The following DGAT1 variants were observed in gnomAD, a reference collection of about 807,000 sequenced individuals.
DGAT1 encodes the protein ACAT related gene product 1.
In DGAT1, 60 loss-of-function variants were observed where a neutral mutation model predicts 72.6. The ratio of observed to expected loss-of-function variants is 0.83; its 90% CI spans 0.67 to 1.02. The LOEUF (loss-of-function observed/expected upper bound fraction) is 1.02. Ranked by LOEUF, DGAT1 falls within the 50% of genes least tolerant of loss-of-function variation. DGAT1 has a pLI of 0.00. For synonymous variants in DGAT1, 290 were observed against 267.5 expected (o/e 1.08, Z -0.82); for missense variants, 592 against 670.0 (o/e 0.88, Z 1.29).
intron 4 of DGAT1, 37 bp downstream of exon 4, chr8:144,318,798 G>T: frequency 6.2e-7 from 1 of 1,607,638 alleles, no homozygotes; most frequent in Non-Finnish European, 8.5e-7. Context: ...ACGTCAGCCT[G>T]ATCCCCACCC....
intron 4 of DGAT1, 37 bp from the exon 5 acceptor site, chr8:144,318,788 A>C (rs1554847742): frequency 6.2e-7 from 1 of 1,606,976 alleles, no homozygotes; most frequent in Admixed American, 1.7e-5. Flanking sequence ...GTTTAGGGCC[A>C]CGTCAGCCTG....
chr8:144,316,982 C>T, intron 15 of DGAT1, 40 bp downstream of exon 15: 2 of 1,610,906 alleles, frequency 1.2e-6, no homozygotes, highest in Non-Finnish European at 1.7e-6. Flanking sequence ...GGGCATACCC[C>T]TGCCCAGGGA....
chr8:144,317,494 A>G, intron 12 of DGAT1, 49 bp from the exon 13 acceptor site: 1 of 1,613,644 alleles, frequency 6.2e-7, no homozygotes, highest in South Asian at 1.1e-5. Flanking sequence ...CTTCCCCCAC[A>G]TGCCACTGTC....
chr8:144,317,733 T>G (rs782795347), intron 10 of DGAT1, 21 bp from the exon 11 acceptor site: 1 of 1,613,642 alleles, frequency 6.2e-7, no homozygotes, highest in South Asian at 1.1e-5. Context: ...GGGCACCACG[T>G]CAGCTCCCAG....
At position 144,317,414 on chromosome 8, in the gene DGAT1, A is replaced by G. The variant is rs1554847292; in HGVS notation, c.1013T>C (p.Phe338Ser). The part of the protein sequence containing the change: ...VPNHLIWLIF[F>S]YWLFHSCLNA... ...CAGGCAGGAGTGGAAGAGCCAGTAG[A>G]AGAAGATGAGCCAGATGAGGTGATT... Residue 338 changes from phenylalanine to serine, a missense_variant, in exon 13 of 17, where the codon TTC (phenylalanine) becomes TCC (serine). Physicochemically the swap from Phe to Ser is radical, Grantham distance 155. Transcript: ENST00000528718. 3.1e-6 allele frequency: 5 copies of G among 1,613,682 alleles called. No individual in the cohort carries two copies.
chr8:144,316,037 C>A lies in DGAT1; in HGVS notation c.*517G>T. On this transcript the variant is annotated 3_prime_UTR_variant, in exon 17 of 17. Transcript: ENST00000528718. ...CATCCTGCACTGAGGGCCAGAGTGC[C>A]GATTCCCGCACACCCAGCAGGAGTA... 1.6e-6 allele frequency: 1 copy of A among 629,432 alleles called. No homozygotes were observed. Among genetic ancestry groups the A allele is most frequent in the Non-Finnish European group, 2.0e-6 (1 of 502,688 alleles). 39.0% of individuals were successfully genotyped at this position (629,432 alleles called of 1,614,324 possible).
chr8:144,320,890 A>G (rs1817433368), intron 2 of DGAT1, among the ~76,000 whole-genome samples: 1 of 152,104 alleles, frequency 6.6e-6, no homozygotes, highest in Admixed American at 6.5e-5. Context: ...CCTGCCAGAG[A>G]GGCCTTGTGT....
chr8:144,315,137 G>A lies in DGAT1; in HGVS notation c.*1417C>T, dbSNP rs140735385. On this transcript the variant is annotated 3_prime_UTR_variant, in exon 17 of 17. Coordinates refer to ENST00000528718, the MANE Select transcript of DGAT1 (RefSeq NM_012079.6). ...GGGAAGGGGGCCTGCGCTGGGCAGT[G>A]GAGCAGGCTTTGCTGCTTTATCTGG... The A allele has an allele frequency of 1.1e-4, 112 of 985,458 alleles. 4 individuals are homozygous for A. The African/African-American group carries it at 1.8e-3, about 16-fold the overall frequency. 61.0% of individuals were successfully genotyped at this position (985,458 alleles called of 1,614,324 possible). A position where few individuals can be genotyped will look rare whatever the true frequency, so the allele number is the denominator to read the frequency against.
At position 144,315,038 on chromosome 8, in the gene DGAT1, G is replaced by A. The variant is rs1817146940; in HGVS notation, c.*1516C>T. ...GCACACTGTCTTTCTGCCAGAGCCA[G>A]CACCCTGTGTAGGCACGGGGAACGG... is the stretch of plus-strand genomic sequence containing the variant. On this transcript the variant is annotated 3_prime_UTR_variant, in exon 17 of 17. Coordinates refer to ENST00000528718, the MANE Select transcript of DGAT1 (RefSeq NM_012079.6). 2 of 985,648 alleles carry A rather than the reference G, an allele frequency of 2.0e-6. No homozygotes were observed. Among genetic ancestry groups the A allele is most frequent in the Non-Finnish European group, 2.4e-6 (2 of 830,104 alleles). 61.1% of individuals were successfully genotyped at this position (985,648 alleles called of 1,614,324 possible). A position where few individuals can be genotyped will look rare whatever the true frequency, so the allele number is the denominator to read the frequency against.
In DGAT1 at chr8:144,315,121, G is replaced by C. The variant is rs1342203526; in HGVS notation, c.*1433C>G. ...CAGCCTGGTGGAGGAAGGGAAGGGG[G>C]CCTGCGCTGGGCAGTGGAGCAGGCT... is the stretch of plus-strand genomic sequence containing the variant. On this transcript the variant is annotated 3_prime_UTR_variant, in exon 17 of 17. Coordinates refer to ENST00000528718, the MANE Select transcript of DGAT1 (RefSeq NM_012079.6). The C allele has an allele frequency of 1.0e-6, 1 of 985,568 alleles. No individual in the cohort carries two copies. Among genetic ancestry groups the C allele is most frequent in the African/African-American group, 1.7e-5 (1 of 57,366 alleles). 61.1% of individuals were successfully genotyped at this position (985,568 alleles called of 1,614,324 possible).
Position 144,315,180 on chromosome 8 carries a change from C to G in DGAT1, c.*1374G>C. 1.0e-6 allele frequency: 1 copy of G among 985,460 alleles called. No homozygotes were observed. The highest frequency in any genetic ancestry group is 1.7e-5 in the African/African-American group (1 of 57,340). 61.0% of individuals were successfully genotyped at this position (985,460 alleles called of 1,614,324 possible). A position where few individuals can be genotyped will look rare whatever the true frequency, so the allele number is the denominator to read the frequency against. Reference sequence around the variant, plus strand: ...TTATCTGGCAGCAACAGTTTGTTCTCGAGCTCCACTGGCCAACTGATAGGG... The same window carrying G: ...TTATCTGGCAGCAACAGTTTGTTCTGGAGCTCCACTGGCCAACTGATAGGG... On this transcript the variant is annotated 3_prime_UTR_variant, in exon 17 of 17. Transcript: ENST00000528718.
In DGAT1 at chr8:144,321,408, C is replaced by T. The variant is rs1817453505; in HGVS notation, c.201G>A (p.Arg67=). The stretch of plus-strand genomic sequence containing the variant: ...ATAAAGAATCCTGCAGGCGATGGCA[C>T]CTGACAGAGCACAACACAAGCACCC... ...AGVGSGHWEL[R]CHRLQDSLFS... The change falls in exon 2 of 17, where the codon AGG becomes AGA. Residue 67 remains arginine (R), a splice_region_variant and synonymous_variant. Coordinates refer to ENST00000528718, the MANE Select transcript of DGAT1 (RefSeq NM_012079.6). 12 of 1,613,630 alleles carry T rather than the reference C, an allele frequency of 7.4e-6. No homozygotes were observed. Among genetic ancestry groups the T allele is most frequent in the Non-Finnish European group, 1.0e-5 (12 of 1,179,862 alleles).
intron 2 of DGAT1, among the ~76,000 whole-genome samples, chr8:144,320,422 C>G (rs1817415697): frequency 6.6e-6 from 1 of 152,210 alleles, no homozygotes; most frequent in South Asian, 2.1e-4. Flanking sequence ...GCTGGCCACC[C>G]CCAGGGAACC....
Position 144,317,227 on chromosome 8 carries a change from A to T in DGAT1, c.1120T>A (p.Trp374Arg), listed in dbSNP as rs782015251. ...WWNSESVTYF[W>R]QNWNIPVHKW... ...TGCACAGGGATGTTCCAGTTCTGCC[A>T]GAAGTAGGTGACAGACTCGGAGTTC... The change falls in exon 14 of 17, where the codon TGG (tryptophan) becomes AGG (arginine). Residue 374 changes from tryptophan (W) to arginine (R), a missense_variant. By Grantham distance (101) the Trp-to-Arg change is moderately radical (BLOSUM62 -3). Coordinates refer to ENST00000528718, the MANE Select transcript of DGAT1 (RefSeq NM_012079.6). The T allele has an allele frequency of 1.9e-6, 3 of 1,610,730 alleles. No individual in the cohort carries two copies. The highest frequency in any genetic ancestry group is 1.6e-4 in the Middle Eastern group (1 of 6,080).
At chr8:144,320,552 G>A (rs532785689) in intron 2 of DGAT1, among the ~76,000 whole-genome samples, 14 of 152,280 alleles carry the variant, frequency 9.2e-5, no homozygotes, top group African/African-American at 3.1e-4. Flanking sequence ...CAAAGGCCTC[G>A]AGCCACATCA....
Position 144,320,186 on chromosome 8 carries a change from T to C in DGAT1, c.289-1118A>G, listed in dbSNP as rs148013401. On this transcript the variant is annotated intron_variant, in intron 2 of 16. Coordinates refer to ENST00000528718, the MANE Select transcript of DGAT1 (RefSeq NM_012079.6). ...AGCAGCCCAGAGCGGGATACATGCCTGGGGTGGGGGCATGGGGGAGCCAAA... is the reference window on the plus strand; with the variant it reads ...AGCAGCCCAGAGCGGGATACATGCCCGGGGTGGGGGCATGGGGGAGCCAAA... Among the ~76,000 whole-genome samples, 427 of 152,256 alleles carry C rather than the reference T, an allele frequency of 2.8e-3. 2 individuals carry two copies. Among genetic ancestry groups the C allele is most frequent in the African/African-American group, 9.8e-3 (409 of 41,558 alleles).
chr8:144,315,628 T>G lies in DGAT1; in HGVS notation c.*926A>C, dbSNP rs1367953619. 1.0e-6 allele frequency: 1 copy of G among 984,300 alleles called. No individual in the cohort carries two copies. Among genetic ancestry groups the G allele is most frequent in the Admixed American group, 6.1e-5 (1 of 16,274 alleles). 61.0% of individuals were successfully genotyped at this position (984,300 alleles called of 1,614,324 possible). ...GCCCCATCTATCCAGCTTGGTGGATTGCAGGGCCTGGGAACAAGGTGTCCT... is the reference window on the plus strand; with the variant it reads ...GCCCCATCTATCCAGCTTGGTGGATGGCAGGGCCTGGGAACAAGGTGTCCT... On this transcript the variant is annotated 3_prime_UTR_variant, in exon 17 of 17. Transcript: ENST00000528718.
rs782301817 is a variant in DGAT1 at position 144,318,612 on chromosome 8, G to T, written c.469-46C>A. ...CTCAACCAGGGCTCCCATTGCCTGG[G>T]AGAGGGCTGCCAGGCCTGGGGAGCA... On this transcript the variant is annotated intron_variant, in intron 5 of 16. Transcript: ENST00000528718. 4.4e-6 allele frequency: 7 copies of T among 1,605,258 alleles called. No homozygotes were observed. The South Asian group carries it at 7.8e-5, about 18-fold the overall frequency.
chr8:144,316,011 C>T lies in DGAT1; in HGVS notation c.*543G>A, dbSNP rs148893049. On this transcript the variant is annotated 3_prime_UTR_variant, in exon 17 of 17. Transcript: ENST00000528718. ...GCTGAGCACGGTGGGTGCAAGTTGACCATCCTGCACTGAGGGCCAGAGTGC... is the reference window on the plus strand; with the variant it reads ...GCTGAGCACGGTGGGTGCAAGTTGATCATCCTGCACTGAGGGCCAGAGTGC... The T allele has an allele frequency of 1.0e-3, 908 of 869,348 alleles. 8 individuals are homozygous for T. The African/African-American group carries it at 0.016, about 15-fold the overall frequency. 53.9% of individuals were successfully genotyped at this position (869,348 alleles called of 1,614,324 possible).
Sources: gnomAD v4.1 joint callset for allele counts (sites outside exome capture counted in the v4.1 genomes callset) on GRCh38, gnomAD v4.1.1 for gene constraint, MANE v1.5 for transcripts, NCBI Gene and HGNC (gene_info 2026-07-23, HGNC 2026-07-21) for gene names.